Variants in PPP1R9A observed in about 807,000 individuals in gnomAD.
PPP1R9A encodes the protein protein phosphatase 1 regulatory subunit 9A.
PPP1R9A carries 59 observed loss-of-function variants against 141.9 expected under a neutral mutation model. The ratio of observed to expected loss-of-function variants is 0.42; its 90% CI spans 0.34 to 0.52. PPP1R9A has a LOEUF of 0.52. Among genes scored for constraint, PPP1R9A ranks in the 20% least tolerant of loss-of-function variants. PPP1R9A has a pLI of 0.10. For synonymous variants in PPP1R9A, 500 were observed against 569.7 expected (o/e 0.88, Z 1.74); for missense variants, 1,444 against 1,611.9 (o/e 0.90, Z 1.78).
intron 4 of PPP1R9A, among the ~76,000 whole-genome samples, chr7:95,123,022 G>A (rs1226175239): frequency 6.6e-6 from 1 of 151,258 alleles, no homozygotes; most frequent in Non-Finnish European, 1.5e-5. Flanking sequence ...AGAATATTTT[G>A]CATTAATAGC....
intron 5 of PPP1R9A, among the ~76,000 whole-genome samples, chr7:95,188,762 A>G (rs1835029217): frequency 6.6e-6 from 1 of 151,672 alleles, no homozygotes; most frequent in African/African-American, 2.4e-5. Flanking sequence ...CTGCACCTGG[A>G]TAATTTTTGT....
chr7:94,950,968 G>A (rs143461714), intron 2 of PPP1R9A, among the ~76,000 whole-genome samples: 6,865 of 152,068 alleles, frequency 0.045, 158 homozygotes, highest in South Asian at 0.067. Context: ...GGCTGGTCTC[G>A]AACTCTTGGG....
intron 2 of PPP1R9A, among the ~76,000 whole-genome samples, chr7:95,109,282 TA>T (rs1462688932): frequency 2.6e-5 from 4 of 152,158 alleles, no homozygotes; most frequent in Non-Finnish European, 5.9e-5. Context: ...CTCAGGAAAA[TA>T]AAAACAAAAT....
At position 95,268,685 on chromosome 7, in the gene PPP1R9A, G is replaced by A. The variant is rs1331245234; in HGVS notation, c.2801G>A (p.Gly934Glu). The A allele has an allele frequency of 1.2e-6, 2 of 1,612,924 alleles. No homozygotes were observed. Among genetic ancestry groups the A allele is most frequent in the Admixed American group, 1.7e-5 (1 of 59,910 alleles). Residue 934 changes from glycine (G) to glutamate (E), a missense_variant, in exon 13 of 20, where the codon GGG (glycine) becomes GAG (glutamate). Transcript: ENST00000433360. ...RLYDSVSSTD[G>E]EDSLERKPSN... is the part of the protein sequence containing the mutation. The stretch of plus-strand genomic sequence containing the variant: ...TATGATAGTGTTAGTTCCACAGATG[G>A]GGAGGACAGTCTAGAGAGAAAGGTG...
intron 2 of PPP1R9A, among the ~76,000 whole-genome samples, chr7:95,083,847 C>T (rs1462678277): frequency 6.6e-6 from 1 of 151,930 alleles, no homozygotes; most frequent in Non-Finnish European, 1.5e-5. Context: ...ACACTAAGTT[C>T]ACAGATCCAA....
intron 8 of PPP1R9A, among the ~76,000 whole-genome samples, chr7:95,239,511 G>C (rs1324345298): frequency 6.6e-6 from 1 of 152,104 alleles, no homozygotes; most frequent in Non-Finnish European, 1.5e-5. Context: ...GTTGAGTGGT[G>C]ATTGTGCCAT....
intron 4 of PPP1R9A, among the ~76,000 whole-genome samples, chr7:95,153,519 C>T (rs1034252947): frequency 6.6e-6 from 1 of 152,158 alleles, no homozygotes; most frequent in Non-Finnish European, 1.5e-5. Flanking sequence ...AAAACAGAAA[C>T]TCAACATCCC....
intron 4 of PPP1R9A, among the ~76,000 whole-genome samples, chr7:95,124,928 T>TA (rs1347982751): frequency 7.2e-5 from 11 of 152,146 alleles, no homozygotes; most frequent in Admixed American, 6.6e-4. Context: ...TTGAGTAGTT[T>TA]AAAAAATTTG....
intron 5 of PPP1R9A, among the ~76,000 whole-genome samples, chr7:95,173,404 CT>C (rs1286820402): frequency 1.3e-5 from 2 of 151,818 alleles, no homozygotes; most frequent in East Asian, 3.9e-4. Flanking sequence ...TGTAACAAAT[CT>C]GCATATATAC....
chr7:95,161,451 T>TAA (rs1017969177), intron 4 of PPP1R9A, among the ~76,000 whole-genome samples: 6 of 152,188 alleles, frequency 3.9e-5, no homozygotes, highest in African/African-American at 1.4e-4. Flanking sequence ...TGATTCTTTG[T>TAA]AAGACCTCAG....
At chr7:94,952,057 A>G (rs944666698) in intron 2 of PPP1R9A, among the ~76,000 whole-genome samples, 13 of 152,026 alleles carry the variant, frequency 8.6e-5, no homozygotes, top group African/African-American at 3.1e-4. Context: ...TGCTGCACCC[A>G]TCAACCCGTC....
chr7:95,115,734 C>T (rs1469460214), intron 3 of PPP1R9A, among the ~76,000 whole-genome samples: 3 of 151,742 alleles, frequency 2.0e-5, no homozygotes, highest in Non-Finnish European at 4.4e-5. Context: ...CTGGCTAACA[C>T]ATGAAACCTC....
chr7:94,990,288 G>A (rs1801346021), intron 2 of PPP1R9A, among the ~76,000 whole-genome samples: 1 of 152,070 alleles, frequency 6.6e-6, no homozygotes, highest in Admixed American at 6.6e-5. Context: ...TTTCTCATGT[G>A]CAAAATAAGG....
At chr7:94,974,423 A>G (rs189393203) in intron 2 of PPP1R9A, among the ~76,000 whole-genome samples, 1 of 152,306 alleles carries the variant, frequency 6.6e-6, no homozygotes. Flanking sequence ...TATATATTGC[A>G]ATGAGTTTGA....
chr7:94,971,591 A>G (rs1798866983), intron 2 of PPP1R9A, among the ~76,000 whole-genome samples: 1 of 152,162 alleles, frequency 6.6e-6, no homozygotes, highest in African/African-American at 2.4e-5. Flanking sequence ...TGTTGCTAGC[A>G]GGTGAAATTA....
chr7:95,025,671 C>T lies in PPP1R9A; in HGVS notation c.1396-85588C>T, dbSNP rs1462787610. Reference sequence around the variant, plus strand: ...GGATAAAATCCTGAAGAGTGTTTTCCGACTTGGTTCCATTCCCCCTGTCAC... The same window carrying T: ...GGATAAAATCCTGAAGAGTGTTTTCTGACTTGGTTCCATTCCCCCTGTCAC... On this transcript the variant is annotated intron_variant, in intron 2 of 19. Transcript: ENST00000433360. 6.6e-5 allele frequency among the ~76,000 whole-genome samples: 10 copies of T among 151,794 alleles called. No individual in the cohort carries two copies. In the East Asian group the frequency reaches 1.4e-3, roughly 22 times the overall value.
chr7:94,952,892 T>C (rs1796635534), intron 2 of PPP1R9A, among the ~76,000 whole-genome samples: 1 of 152,206 alleles, frequency 6.6e-6, no homozygotes. Flanking sequence ...AAAAATTTTC[T>C]CCCATTCTGT....
At chr7:95,079,905 A>T (rs1411124904) in intron 2 of PPP1R9A, among the ~76,000 whole-genome samples, 1 of 152,022 alleles carries the variant, frequency 6.6e-6, no homozygotes, top group African/African-American at 2.4e-5. Context: ...CATGCTAAAA[A>T]CTCAATAAAT....
At chr7:94,929,123 A>C (rs535026456) in intron 2 of PPP1R9A, among the ~76,000 whole-genome samples, 3 of 152,226 alleles carry the variant, frequency 2.0e-5, no homozygotes, top group Non-Finnish European at 4.4e-5. Context: ...TGCCATTTTC[A>C]ATTATCGGAC....
Sources: gnomAD v4.1 joint callset for allele counts (sites outside exome capture counted in the v4.1 genomes callset) on GRCh38, gnomAD v4.1.1 for gene constraint, MANE v1.5 for transcripts, NCBI Gene and HGNC (gene_info 2026-07-23, HGNC 2026-07-21) for gene names.